The following PTPRD variants were observed in gnomAD, a reference collection of about 807,000 sequenced individuals.
PTPRD encodes the protein protein tyrosine phosphatase receptor type D.
PTPRD carries 34 observed loss-of-function variants against 214.5 expected under a neutral mutation model. That is an observed-to-expected ratio of 0.16 (90% confidence interval 0.12 to 0.21). The LOEUF (loss-of-function observed/expected upper bound fraction) is 0.21. Among genes scored for constraint, PTPRD ranks in the 10% least tolerant of loss-of-function variants. The pLI is 1.00. For missense variants in PTPRD, 2,545 were observed against 2,398.7 expected (o/e 1.06, Z -1.27); for synonymous variants, 1,128 against 845.7 (o/e 1.33, Z -5.79).
At chr9:10,221,818 T>C (rs2099572165) in intron 3 of PTPRD, among the ~76,000 whole-genome samples, 1 of 152,016 alleles carries the variant, frequency 6.6e-6, no homozygotes, top group Admixed American at 6.6e-5. Context: ...TTACCTGCTA[T>C]ATCATTATAA....
At chr9:9,236,758 T>C (rs1392110460) in intron 9 of PTPRD, among the ~76,000 whole-genome samples, 1 of 151,858 alleles carries the variant, frequency 6.6e-6, no homozygotes, top group Non-Finnish European at 1.5e-5. Flanking sequence ...ATTTGGGCTT[T>C]GTGTGCAGGC....
intron 5 of PTPRD, among the ~76,000 whole-genome samples, chr9:9,812,872 G>C (rs2047584870): frequency 6.6e-6 from 1 of 152,050 alleles, no homozygotes; most frequent in Non-Finnish European, 1.5e-5. Context: ...AGGGTATATT[G>C]TGTTAGACTG....
At chr9:8,892,849 A>C (rs1366514112) in intron 11 of PTPRD, among the ~76,000 whole-genome samples, 1 of 152,002 alleles carries the variant, frequency 6.6e-6, no homozygotes, top group Non-Finnish European at 1.5e-5. Flanking sequence ...CCAGAGAAAT[A>C]AAAGCACACA....
intron 2 of PTPRD, among the ~76,000 whole-genome samples, chr9:10,579,275 A>C (rs2070791125): frequency 6.6e-6 from 1 of 151,522 alleles, no homozygotes; most frequent in Admixed American, 6.6e-5. Context: ...TTGCCCTCCC[A>C]CTCCCCATAG....
intron 5 of PTPRD, among the ~76,000 whole-genome samples, chr9:9,809,260 A>G (rs908263459): frequency 6.7e-6 from 1 of 148,228 alleles, no homozygotes; most frequent in East Asian, 2.2e-4. Flanking sequence ...CTTAGCCACA[A>G]GAGATTTTTT....
At chr9:8,843,580 G>A (rs1252489881) in intron 11 of PTPRD, among the ~76,000 whole-genome samples, 1 of 152,122 alleles carries the variant, frequency 6.6e-6, no homozygotes, top group African/African-American at 2.4e-5. Context: ...TAGCTAGCAT[G>A]AATGTGGTTT....
chr9:8,785,591 G>C (rs936542505), intron 11 of PTPRD, among the ~76,000 whole-genome samples: 14 of 152,188 alleles, frequency 9.2e-5, no homozygotes, highest in Non-Finnish European at 2.1e-4. Context: ...GTGGCTACCA[G>C]CTACAACTCC....
chr9:8,680,890 CTGATTTGAG>C (rs1309698158), intron 12 of PTPRD, among the ~76,000 whole-genome samples: 1 of 152,128 alleles, frequency 6.6e-6, no homozygotes, highest in African/African-American at 2.4e-5. Flanking sequence ...CCTCACGGGA[CTGATTTGAG>C]TTTCAGGGCC....
chr9:8,948,119 G>A (rs201752188), intron 11 of PTPRD, among the ~76,000 whole-genome samples: 1 of 149,598 alleles, frequency 6.7e-6, no homozygotes, highest in Non-Finnish European at 1.5e-5. Context: ...TCCTGGGTTC[G>A]AGCGATTCTC....
chr9:10,493,600 AGGGTTT>A (rs2132827381), intron 2 of PTPRD, among the ~76,000 whole-genome samples: 1 of 152,224 alleles, frequency 6.6e-6, no homozygotes, highest in South Asian at 2.1e-4. Flanking sequence ...AAATTAATAC[AGGGTTT>A]CTTTTAATAA....
At chr9:8,828,907 C>T (rs901032435) in intron 11 of PTPRD, among the ~76,000 whole-genome samples, 1 of 152,068 alleles carries the variant, frequency 6.6e-6, no homozygotes, top group Non-Finnish European at 1.5e-5. Context: ...GTGCGTTCAT[C>T]TTCACAGCAT....
chr9:8,729,568 A>C (rs1015089008), intron 12 of PTPRD, among the ~76,000 whole-genome samples: 9 of 152,220 alleles, frequency 5.9e-5, no homozygotes, highest in African/African-American at 2.2e-4. Flanking sequence ...GTTATCTGCT[A>C]ATCTATGAGT....
At chr9:8,667,749 T>C (rs1439053746) in intron 12 of PTPRD, among the ~76,000 whole-genome samples, 2 of 152,040 alleles carry the variant, frequency 1.3e-5, no homozygotes, top group Non-Finnish European at 2.9e-5. Flanking sequence ...TATATGCAAA[T>C]ATTCCAAAAT....
At chr9:10,264,879 T>TG (rs1028850339) in intron 3 of PTPRD, among the ~76,000 whole-genome samples, 3 of 152,138 alleles carry the variant, frequency 2.0e-5, no homozygotes, top group African/African-American at 4.8e-5. Flanking sequence ...AATTGAATCA[T>TG]GGGGGCAGTT....
intron 2 of PTPRD, among the ~76,000 whole-genome samples, chr9:10,529,425 T>C (rs978444587): frequency 6.6e-6 from 1 of 152,086 alleles, no homozygotes; most frequent in African/African-American, 2.4e-5. Flanking sequence ...TGCAGGGACA[T>C]GGATAAAGCT....
intron 11 of PTPRD, among the ~76,000 whole-genome samples, chr9:8,835,876 T>G (rs2097408649): frequency 6.6e-6 from 1 of 152,106 alleles, no homozygotes; most frequent in Non-Finnish European, 1.5e-5. Context: ...TGGATTCATT[T>G]TACATATTAT....
At chr9:9,169,154 A>G (rs2099909703) in intron 10 of PTPRD, among the ~76,000 whole-genome samples, 1 of 152,020 alleles carries the variant, frequency 6.6e-6, no homozygotes, top group African/African-American at 2.4e-5. Flanking sequence ...AATAAATCTT[A>G]TAGAGCCTCT....
At chr9:8,366,089 A>G (rs1323129434) in intron 39 of PTPRD, among the ~76,000 whole-genome samples, 1 of 152,224 alleles carries the variant, frequency 6.6e-6, no homozygotes, top group Admixed American at 6.5e-5. Context: ...GTATTTTAAA[A>G]TATGATTCAA....
intron 10 of PTPRD, among the ~76,000 whole-genome samples, chr9:9,081,076 A>G (rs966954381): frequency 1.3e-5 from 2 of 151,488 alleles, no homozygotes; most frequent in African/African-American, 2.4e-5. Context: ...ACTTCTTTTA[A>G]TTGTGATGTT....
Sources: allele counts gnomAD v4.1 joint callset (sites outside exome capture counted in the v4.1 genomes callset), GRCh38; gene constraint gnomAD v4.1.1; transcripts MANE v1.5; gene names NCBI Gene and HGNC (gene_info 2026-07-23, HGNC 2026-07-21).